The following ATXN7L1 variants were observed in gnomAD, a reference collection of about 807,000 sequenced individuals.
ATXN7L1 encodes the protein ataxin-7-like protein 1.
In ATXN7L1, 15 loss-of-function variants were observed where a neutral mutation model predicts 70.8. The observed-to-expected ratio is 0.21, with a 90% CI of 0.14 to 0.33. The LOEUF (loss-of-function observed/expected upper bound fraction) is 0.33. Among genes scored for constraint, ATXN7L1 ranks in the 10% least tolerant of loss-of-function variants. The pLI is 1.00. For synonymous variants in ATXN7L1, 440 were observed against 445.1 expected (o/e 0.99, Z 0.14); for missense variants, 975 against 1,097.1 (o/e 0.89, Z 1.57).
At chr7:105,854,346 G>A (rs1815370766) in intron 2 of ATXN7L1, among the ~76,000 whole-genome samples, 2 of 151,948 alleles carry the variant, frequency 1.3e-5, no homozygotes, top group Non-Finnish European at 1.5e-5. Context: ...CCTTTCTTGG[G>A]ACACACAACA....
chr7:105,747,731 G>GCGTC (rs553166759), intron 3 of ATXN7L1, among the ~76,000 whole-genome samples: 42 of 152,282 alleles, frequency 2.8e-4, no homozygotes, highest in Non-Finnish European at 5.1e-4. Flanking sequence ...TAGGTACATA[G>GCGTC]CGTCAGAATT....
chr7:105,848,844 C>T (rs1044531741), intron 2 of ATXN7L1, among the ~76,000 whole-genome samples: 2 of 152,170 alleles, frequency 1.3e-5, no homozygotes, highest in Admixed American at 1.3e-4. Context: ...GACTATTCTT[C>T]TAGCCTCCAG....
chr7:105,705,103 C>T lies in ATXN7L1; in HGVS notation c.356-39815G>A, dbSNP rs1231519345. ...GCAATGGTATGATCTTGGCTCACTG[C>T]AACCTCCTCCTCCTGGGTTCAAACA... On this transcript the variant is annotated intron_variant, in intron 3 of 11. Coordinates refer to ENST00000419735, the MANE Select transcript of ATXN7L1 (RefSeq NM_020725.2). 4.6e-5 allele frequency among the ~76,000 whole-genome samples: 7 copies of T among 152,096 alleles called. No individual in the cohort carries two copies. The East Asian group carries it at 1.3e-3, about 29-fold the overall frequency.
chr7:105,686,349 C>G (rs1320227102), intron 3 of ATXN7L1, among the ~76,000 whole-genome samples: 2 of 152,162 alleles, frequency 1.3e-5, no homozygotes, highest in Non-Finnish European at 2.9e-5. Context: ...AACCCCATCT[C>G]TACTAAAAAT....
At position 105,709,266 on chromosome 7, in the gene ATXN7L1, G is replaced by A. The variant is rs142895593; in HGVS notation, c.356-43978C>T. ...GGAGAATTGCTTGAACCCAGGAAGC[G>A]GAGGTTGCAGTGAGCCGAGATAGTG... On this transcript the variant is annotated intron_variant, in intron 3 of 11. Coordinates refer to ENST00000419735, the MANE Select transcript of ATXN7L1 (RefSeq NM_020725.2). 5.7e-4 allele frequency among the ~76,000 whole-genome samples: 87 copies of A among 152,286 alleles called. 2 individuals are homozygous for A. The East Asian group carries it at 0.014, about 25-fold the overall frequency.
chr7:105,793,571 G>A (rs534969154), intron 2 of ATXN7L1, among the ~76,000 whole-genome samples: 21 of 152,274 alleles, frequency 1.4e-4, no homozygotes, highest in African/African-American at 4.6e-4. Flanking sequence ...GTACACATGT[G>A]GACAGAGGAA....
At chr7:105,651,951 C>A (rs76639797) in intron 4 of ATXN7L1, among the ~76,000 whole-genome samples, 2,221 of 152,258 alleles carry the variant, frequency 0.015, 55 homozygotes, top group African/African-American at 0.052. Flanking sequence ...TGTCTCCCTG[C>A]TGGTCTGTTA....
At chr7:105,608,279 G>GCC (rs1792861357) in intron 11 of ATXN7L1, among the ~76,000 whole-genome samples, 1 of 152,226 alleles carries the variant, frequency 6.6e-6, no homozygotes, top group Non-Finnish European at 1.5e-5. Flanking sequence ...AAGGATTCTA[G>GCC]TGTTGGGTTA....
chr7:105,752,124 C>T (rs1366314745), intron 3 of ATXN7L1, among the ~76,000 whole-genome samples: 19 of 152,236 alleles, frequency 1.2e-4, no homozygotes, highest in Admixed American at 1.2e-3. Flanking sequence ...GTGAGGTTCA[C>T]AGGACAGGCA....
chr7:105,610,873 AGG>A (rs1793086497), intron 10 of ATXN7L1, among the ~76,000 whole-genome samples: 1 of 152,230 alleles, frequency 6.6e-6, no homozygotes, highest in Non-Finnish European at 1.5e-5. Context: ...AGAACAGGGA[AGG>A]ATGAGGACAA....
At chr7:105,765,915 C>G (rs1222055146) in intron 3 of ATXN7L1, among the ~76,000 whole-genome samples, 1 of 151,952 alleles carries the variant, frequency 6.6e-6, no homozygotes, top group African/African-American at 2.4e-5. Flanking sequence ...TTTCCTGTAT[C>G]TGGGATGAAC....
At chr7:105,677,698 G>T (rs1173994148) in intron 3 of ATXN7L1, among the ~76,000 whole-genome samples, 1 of 152,172 alleles carries the variant, frequency 6.6e-6, no homozygotes, top group Admixed American at 6.5e-5. Context: ...CACACACACA[G>T]GTAGTAGCTT....
chr7:105,775,184 C>G (rs1802553697), intron 3 of ATXN7L1, among the ~76,000 whole-genome samples: 1 of 152,190 alleles, frequency 6.6e-6, no homozygotes, highest in African/African-American at 2.4e-5. Context: ...TCAGAAGCGC[C>G]TGGCCCTGCA....
At chr7:105,613,831 C>T (rs568873126) in intron 10 of ATXN7L1, 31 bp downstream of exon 10, 97 of 1,551,720 alleles carry the variant, frequency 6.3e-5, no homozygotes, top group African/African-American at 6.1e-4. Flanking sequence ...CCCCCCAGAG[C>T]CGGTGAAGGC....
At chr7:105,818,513 G>A (rs1234806853) in intron 2 of ATXN7L1, among the ~76,000 whole-genome samples, 1 of 149,994 alleles carries the variant, frequency 6.7e-6, no homozygotes, top group Non-Finnish European at 1.5e-5. Context: ...TGTTCAAAGT[G>A]AAAGAAAACG....
chr7:105,685,496 G>C (rs1368421750), intron 3 of ATXN7L1, among the ~76,000 whole-genome samples: 1 of 152,164 alleles, frequency 6.6e-6, no homozygotes, highest in African/African-American at 2.4e-5. Context: ...TGAGATTCCT[G>C]ATCTCCTCTC....
intron 3 of ATXN7L1, among the ~76,000 whole-genome samples, chr7:105,731,128 C>T (rs995193932): frequency 1.2e-4 from 18 of 152,006 alleles, no homozygotes; most frequent in East Asian, 3.9e-4. Flanking sequence ...GTTTCATGCA[C>T]GAAATTATGA....
intron 11 of ATXN7L1, among the ~76,000 whole-genome samples, chr7:105,609,963 G>T (rs1298579964): frequency 6.6e-6 from 1 of 151,956 alleles, no homozygotes; most frequent in Non-Finnish European, 1.5e-5. Flanking sequence ...AGTGGAGATG[G>T]TGTTTCACTA....
At chr7:105,638,310 T>C (rs1415436960) in intron 7 of ATXN7L1, 43 bp downstream of exon 7, 18 of 1,525,232 alleles carry the variant, frequency 1.2e-5, no homozygotes, top group South Asian at 1.2e-5. Context: ...AGCTAGTCAC[T>C]TGACCAAGCA....
Sources: allele counts gnomAD v4.1 joint callset (sites outside exome capture counted in the v4.1 genomes callset), GRCh38; gene constraint gnomAD v4.1.1; transcripts MANE v1.5; gene names NCBI Gene and HGNC (gene_info 2026-07-23, HGNC 2026-07-21).